Variants in SFMBT1 observed in about 807,000 individuals in gnomAD.
SFMBT1 encodes the protein scm-like with four MBT domains protein 1.
Under a neutral mutation model 108.7 loss-of-function variants are expected in SFMBT1, and 32 were observed. That is an observed-to-expected ratio of 0.29 (90% confidence interval 0.22 to 0.40). SFMBT1 has a LOEUF of 0.40. Ranked by LOEUF, SFMBT1 falls within the 10% of genes least tolerant of loss-of-function variation. The probability of loss-of-function intolerance (pLI) is 1.00; values close to 1 mark genes in which losing one functional copy is unlikely to be tolerated. For synonymous variants in SFMBT1, 348 were observed against 369.5 expected (o/e 0.94, Z 0.67); for missense variants, 816 against 1,059.6 (o/e 0.77, Z 3.19).
chr3:52,930,869 C>A (rs1342568410), intron 7 of SFMBT1, 72 bp downstream of exon 7: 2 of 1,310,612 alleles, frequency 1.5e-6, no homozygotes, highest in Non-Finnish European at 2.2e-6. Flanking sequence ...CTGCTTTACA[C>A]TTTCACCTCC....
At chr3:52,980,481 C>A (rs773121951) in intron 1 of SFMBT1, among the ~76,000 whole-genome samples, 20 of 151,954 alleles carry the variant, frequency 1.3e-4, no homozygotes, top group Non-Finnish European at 2.4e-4. Context: ...TTAATAACAC[C>A]GTAAGACCCA....
At chr3:53,037,012 G>A (rs888357311) in intron 1 of SFMBT1, among the ~76,000 whole-genome samples, 14 of 152,202 alleles carry the variant, frequency 9.2e-5, no homozygotes, top group Non-Finnish European at 2.9e-5. Context: ...GGAGAACAGG[G>A]AATCCTCTGA....
intron 2 of SFMBT1, among the ~76,000 whole-genome samples, chr3:52,957,173 G>A (rs2439434): frequency 0.61 from 93,215 of 151,732 alleles, 29,033 homozygotes; most frequent in South Asian, 0.82. Flanking sequence ...ATTCCTATAC[G>A]CCAACAACAG....
chr3:52,911,197 A>G lies in SFMBT1; in HGVS notation c.1731-19T>C. 2 of 1,581,166 alleles carry G rather than the reference A, an allele frequency of 1.3e-6. No individual in the cohort carries two copies. The highest frequency in any genetic ancestry group is 1.7e-6 in the Non-Finnish European group (2 of 1,164,956). ...TTTATATCTGCCATTGGAAGACATC[A>G]GATGCCAAATATATTGGGCTAATGA... On this transcript the variant is annotated intron_variant, in intron 16 of 20. Transcript: ENST00000394752.
intron 1 of SFMBT1, among the ~76,000 whole-genome samples, chr3:53,038,198 C>G (rs1699926409): frequency 6.6e-6 from 1 of 152,168 alleles, no homozygotes; most frequent in South Asian, 2.1e-4. Flanking sequence ...AGTGCTTGAG[C>G]CCAGGCACTC....
intron 1 of SFMBT1, among the ~76,000 whole-genome samples, chr3:53,039,433 T>A (rs1021489191): frequency 6.6e-6 from 1 of 152,112 alleles, no homozygotes; most frequent in Non-Finnish European, 1.5e-5. Context: ...AGACAGAAAG[T>A]AGAACAGTGG....
chr3:53,019,962 G>A (rs1259806827), intron 1 of SFMBT1, among the ~76,000 whole-genome samples: 1 of 152,074 alleles, frequency 6.6e-6, no homozygotes, highest in Non-Finnish European at 1.5e-5. Flanking sequence ...GTTCACCACA[G>A]ACTCCAATCT....
chr3:52,925,932 T>G, intron 10 of SFMBT1, 99 bp downstream of exon 10: 45 of 1,079,478 alleles, frequency 4.2e-5, no homozygotes, highest in Non-Finnish European at 5.9e-5. Context: ...CTGGATTAAG[T>G]GAGATGATTA....
At chr3:53,039,986 G>C (rs1388252692) in intron 1 of SFMBT1, among the ~76,000 whole-genome samples, 3 of 152,160 alleles carry the variant, frequency 2.0e-5, no homozygotes, top group African/African-American at 7.2e-5. Flanking sequence ...CACTCCAAGA[G>C]GGTTATTTTA....
At chr3:52,987,371 G>A (rs1158973636) in intron 1 of SFMBT1, among the ~76,000 whole-genome samples, 1 of 152,164 alleles carries the variant, frequency 6.6e-6, no homozygotes, top group African/African-American at 2.4e-5. Flanking sequence ...ATTTACACCA[G>A]TACCACAACA....
intron 1 of SFMBT1, among the ~76,000 whole-genome samples, chr3:52,975,502 A>G (rs1704487492): frequency 6.6e-6 from 1 of 152,210 alleles, no homozygotes; most frequent in East Asian, 1.9e-4. Context: ...CAGCCTGGGC[A>G]ATATAGTAAG....
At chr3:53,035,534 A>G (rs1699840845) in intron 1 of SFMBT1, among the ~76,000 whole-genome samples, 1 of 152,240 alleles carries the variant, frequency 6.6e-6, no homozygotes, top group Non-Finnish European at 1.5e-5. Context: ...GTAAAACTAA[A>G]CAAAGTTTAT....
At chr3:53,028,326 C>T (rs1276073141) in intron 1 of SFMBT1, among the ~76,000 whole-genome samples, 1 of 152,204 alleles carries the variant, frequency 6.6e-6, no homozygotes, top group Non-Finnish European at 1.5e-5. Flanking sequence ...AAGCAATCCA[C>T]CTGCCTTGGC....
chr3:52,930,904 G>T (rs41275523), intron 7 of SFMBT1, 37 bp downstream of exon 7: 25 of 1,566,730 alleles, frequency 1.6e-5, no homozygotes, highest in South Asian at 1.6e-4. Context: ...CTACTGTAAG[G>T]GGAGCAATAC....
At chr3:53,006,656 G>A (rs1284279808) in intron 1 of SFMBT1, among the ~76,000 whole-genome samples, 2 of 144,852 alleles carry the variant, frequency 1.4e-5, no homozygotes, top group African/African-American at 5.6e-5. Context: ...ACAGGAGGAT[G>A]TGTGTAGATT....
chr3:52,989,521 C>T (rs1157182089), intron 1 of SFMBT1, among the ~76,000 whole-genome samples: 1 of 151,602 alleles, frequency 6.6e-6, no homozygotes, highest in Non-Finnish European at 1.5e-5. Context: ...AAAAATAAGG[C>T]CAGGTGTGGT....
intron 1 of SFMBT1, among the ~76,000 whole-genome samples, chr3:53,040,797 C>T (rs1371104275): frequency 6.6e-6 from 1 of 151,408 alleles, no homozygotes; most frequent in East Asian, 1.9e-4. Context: ...AATATACAGA[C>T]TACTTTTTTT....
chr3:53,033,220 G>T (rs1699747454), intron 1 of SFMBT1, among the ~76,000 whole-genome samples: 1 of 151,930 alleles, frequency 6.6e-6, no homozygotes, highest in Non-Finnish European at 1.5e-5. Context: ...GAGTGCAGTG[G>T]CGCAATCTCG....
intron 1 of SFMBT1, among the ~76,000 whole-genome samples, chr3:53,031,788 C>T (rs1196911384): frequency 6.6e-6 from 1 of 152,118 alleles, no homozygotes; most frequent in African/African-American, 2.4e-5. Context: ...AGGAATAATG[C>T]ATTGGTGTAT....
Sources: allele counts gnomAD v4.1 joint callset (sites outside exome capture counted in the v4.1 genomes callset), GRCh38; gene constraint gnomAD v4.1.1; transcripts MANE v1.5; gene names NCBI Gene and HGNC (gene_info 2026-07-23, HGNC 2026-07-21).